NBEAL1: variants seen among roughly 807,000 people sequenced by gnomAD.
The protein encoded by NBEAL1 is neurobeachin-like protein 1.
A neutral mutation model predicts 351.3 loss-of-function variants in NBEAL1; 273 were observed. The ratio of observed to expected loss-of-function variants is 0.78; its 90% CI spans 0.70 to 0.86. The LOEUF (loss-of-function observed/expected upper bound fraction) is 0.86. Among genes scored for constraint, NBEAL1 ranks in the 40% least tolerant of loss-of-function variants. NBEAL1 has a pLI of 0.00. For synonymous variants in NBEAL1, 1,050 were observed against 1,086.4 expected (o/e 0.97, Z 0.66); for missense variants, 2,961 against 3,201.3 (o/e 0.92, Z 1.81).
intron 15 of NBEAL1, 73 bp from the exon 16 acceptor site, chr2:203,111,906 A>G: frequency 6.9e-7 from 1 of 1,458,702 alleles, no homozygotes; most frequent in African/African-American, 1.4e-5. Flanking sequence ...TATAGAGCAA[A>G]CTTCTGAAAG....
At chr2:203,140,999 T>A (rs1179673309) in intron 31 of NBEAL1, among the ~76,000 whole-genome samples, 1 of 151,778 alleles carries the variant, frequency 6.6e-6, no homozygotes, top group Non-Finnish European at 1.5e-5. Flanking sequence ...AATTAATTAA[T>A]TAATTAAAAT....
chr2:203,128,035 GT>G, intron 24 of NBEAL1, 98 bp downstream of exon 24: 1 of 878,582 alleles, frequency 1.1e-6, no homozygotes, highest in South Asian at 1.6e-5. Context: ...TATTTTGAGA[GT>G]AAAATATGTG....
In NBEAL1 at chr2:203,202,776, C is replaced by G. The variant is rs1218201567; in HGVS notation, c.7501C>G (p.Gln2501Glu). The G allele has an allele frequency of 7.1e-6, 11 of 1,539,216 alleles. No homozygotes were observed. The highest frequency in any genetic ancestry group is 1.8e-6 in the Non-Finnish European group (2 of 1,113,358). Residue 2501 changes from glutamine (Q) to glutamate (E), a missense_variant, in exon 51 of 56, where the codon CAA (glutamine) becomes GAA (glutamate). Coordinates refer to ENST00000683969, the MANE Select transcript of NBEAL1 (RefSeq NM_001378026.1). Reference protein sequence around the residue: ...DTTCMIWQITQQGGVPVGLAS... With the variant: ...DTTCMIWQITEQGGVPVGLAS... ...TACATGTATGATATGGCAAATAACACAACAGGTAGTCACACATTTAAATGT... is the reference window on the plus strand; with the variant it reads ...TACATGTATGATATGGCAAATAACAGAACAGGTAGTCACACATTTAAATGT...
At chr2:203,090,738 A>G (rs184620759) in intron 10 of NBEAL1, among the ~76,000 whole-genome samples, 18 of 152,064 alleles carry the variant, frequency 1.2e-4, no homozygotes, top group Admixed American at 1.0e-3. Flanking sequence ...AATACAAAAA[A>G]GTTAGCCAGG....
chr2:203,162,696 A>G (rs1214976315), intron 36 of NBEAL1, among the ~76,000 whole-genome samples: 2 of 152,190 alleles, frequency 1.3e-5, no homozygotes, highest in Admixed American at 6.5e-5. Context: ...ATGAAGCAAG[A>G]TTGCAGTGAT....
chr2:203,182,070 G>T (rs1372443275), intron 43 of NBEAL1: 1 of 151,964 alleles, frequency 6.6e-6, no homozygotes, highest in Admixed American at 6.6e-5. Context: ...ATGCCTTTAA[G>T]AATAAAAAAC....
chr2:203,122,469 C>A (rs2062852131), intron 19 of NBEAL1, 126 bp downstream of exon 19: 1 of 607,838 alleles, frequency 1.6e-6, no homozygotes. Context: ...GTTATGCAAA[C>A]ATACAATTTG....
At chr2:203,166,639 C>T (rs769641210) in intron 37 of NBEAL1, among the ~76,000 whole-genome samples, 1 of 152,066 alleles carries the variant, frequency 6.6e-6, no homozygotes, top group South Asian at 2.1e-4. Flanking sequence ...CTCTGCCTCC[C>T]GGGTTCAAGC....
intron 51 of NBEAL1, among the ~76,000 whole-genome samples, chr2:203,206,239 A>G (rs995888994): frequency 1.3e-5 from 2 of 152,248 alleles, no homozygotes; most frequent in Admixed American, 6.5e-5. Context: ...AACCAGTACC[A>G]TTACATACTC....
In NBEAL1 at chr2:203,192,168, C is replaced by T. The variant is rs147050078; in HGVS notation, c.6922-1627C>T. On this transcript the variant is annotated intron_variant, in intron 46 of 55. Coordinates refer to ENST00000683969, the MANE Select transcript of NBEAL1 (RefSeq NM_001378026.1). ...AGAATAGTCATATGTGAAGTCAATGCTTTATCCCTTACCTTCTGGTACAGT... is the reference window on the plus strand; with the variant it reads ...AGAATAGTCATATGTGAAGTCAATGTTTTATCCCTTACCTTCTGGTACAGT... Among the ~76,000 whole-genome samples the T allele has an allele frequency of 4.6e-5, 7 of 152,286 alleles. No individual in the cohort carries two copies. The East Asian group carries it at 1.2e-3, about 25-fold the overall frequency.
rs564839311 is a variant in NBEAL1 at position 203,107,514 on chromosome 2, A to G, written c.1364A>G (p.Asn455Ser). 2 of 1,548,722 alleles carry G rather than the reference A, an allele frequency of 1.3e-6. No individual in the cohort carries two copies. The highest frequency in any genetic ancestry group is 1.2e-5 in the South Asian group (1 of 83,880). The change falls in exon 13 of 56, where the codon AAT becomes AGT. Residue 455 changes from asparagine to serine, a missense_variant. Transcript: ENST00000683969. ...CTGGAATTACTTAAAGAACTTATGA[A>G]TATGGTGAGTTTATAACCTTTATTA... is the stretch of plus-strand genomic sequence containing the variant. ...PPLELLKELM[N>S]MAVEGDHTSV...
At chr2:203,172,062 T>A in intron 40 of NBEAL1, 39 bp downstream of exon 40, 2 of 1,202,584 alleles carry the variant, frequency 1.7e-6, no homozygotes, top group Non-Finnish European at 2.4e-6. Context: ...GGAATTGCCC[T>A]ACAGTTTTAT....
Position 203,201,040 on chromosome 2 carries a change from C to T in NBEAL1, c.7239-503C>T, listed in dbSNP as rs1476251799. Among the ~76,000 whole-genome samples, 8 of 152,190 alleles carry T rather than the reference C, an allele frequency of 5.3e-5. 1 individual carries two copies. Among genetic ancestry groups the T allele is most frequent in the Non-Finnish European group, 1.2e-4 (8 of 68,046 alleles). ...GGATTGGCTAAGCTCACAGGTATTG[C>T]ACTTGGAAGCTGATAAAACCAGCAT... On this transcript the variant is annotated intron_variant, in intron 49 of 55. Coordinates refer to ENST00000683969, the MANE Select transcript of NBEAL1 (RefSeq NM_001378026.1).
At chr2:203,032,556 A>G (rs1408271594) in intron 2 of NBEAL1, among the ~76,000 whole-genome samples, 1 of 144,526 alleles carries the variant, frequency 6.9e-6, no homozygotes, top group Non-Finnish European at 1.5e-5. Flanking sequence ...GCTACTTGGG[A>G]GGCTGAGGCA....
At chr2:203,187,630 A>G (rs2064943381) in intron 44 of NBEAL1, among the ~76,000 whole-genome samples, 1 of 151,690 alleles carries the variant, frequency 6.6e-6, no homozygotes, top group Non-Finnish European at 1.5e-5. Context: ...AATCCCAGCT[A>G]CTTGGGAGGC....
chr2:203,029,905 A>G (rs1167104523), intron 2 of NBEAL1, among the ~76,000 whole-genome samples: 1 of 152,118 alleles, frequency 6.6e-6, no homozygotes, highest in Non-Finnish European at 1.5e-5. Flanking sequence ...TTAATTGACT[A>G]TGACTTCATC....
chr2:203,165,289 G>A (rs1407226689), intron 36 of NBEAL1, among the ~76,000 whole-genome samples: 1 of 152,190 alleles, frequency 6.6e-6, no homozygotes, highest in Non-Finnish European at 1.5e-5. Context: ...CTTTAAGTAA[G>A]GTATGGCAAT....
intron 10 of NBEAL1, among the ~76,000 whole-genome samples, chr2:203,091,506 A>G (rs1040287606): frequency 4.6e-5 from 7 of 152,154 alleles, no homozygotes; most frequent in African/African-American, 1.7e-4. Flanking sequence ...TACTAGATAT[A>G]TGGTAATTCA....
rs550617246 is a variant in NBEAL1 at position 203,084,470 on chromosome 2, C to T, written c.999C>T (p.Ile333=). The change falls in exon 10 of 56, where the codon ATC becomes ATT. Residue 333 remains isoleucine, a synonymous_variant. Transcript: ENST00000683969. ...TTCTTTTTATTTTCCTAGATACCAT[C>T]ACAGCCATGTTAGATTGTACAGATA... ...IALQIKMLNT[I]TAMLDCTDRP... The T allele has an allele frequency of 1.4e-6, 2 of 1,463,234 alleles. No individual in the cohort carries two copies. The highest frequency in any genetic ancestry group is 1.5e-5 in the African/African-American group (1 of 68,930). 90.6% of individuals were successfully genotyped at this position (1,463,234 alleles called of 1,614,324 possible). A position where few individuals can be genotyped will look rare whatever the true frequency, so the allele number is the denominator to read the frequency against.
Sources: allele counts gnomAD v4.1 joint callset (sites outside exome capture counted in the v4.1 genomes callset), GRCh38; gene constraint gnomAD v4.1.1; transcripts MANE v1.5; gene names NCBI Gene and HGNC (gene_info 2026-07-23, HGNC 2026-07-21).